Variants in KATNA1 observed in about 807,000 individuals in gnomAD.
The protein encoded by KATNA1 is katanin catalytic subunit A1.
In KATNA1, 42 loss-of-function variants were observed where a neutral mutation model predicts 62.6. The ratio of observed to expected loss-of-function variants is 0.67; its 90% CI spans 0.52 to 0.87. The LOEUF (loss-of-function observed/expected upper bound fraction) is 0.87. Ranked by LOEUF, KATNA1 falls within the 40% of genes least tolerant of loss-of-function variation. The probability of loss-of-function intolerance (pLI) is 0.00; values close to 1 mark genes in which losing one functional copy is unlikely to be tolerated. For missense variants in KATNA1, 498 were observed against 612.5 expected (o/e 0.81, Z 1.97); for synonymous variants, 186 against 201.9 (o/e 0.92, Z 0.67).
intron 8 of KATNA1, 150 bp downstream of exon 8, chr6:149,598,074 C>A (rs1056553640): frequency 1.3e-6 from 1 of 798,824 alleles, no homozygotes; most frequent in African/African-American, 1.7e-5. Flanking sequence ...CTATCAGGAA[C>A]TTCTTGCCAC....
chr6:149,641,252 C>T (rs1299162738), intron 1 of KATNA1, among the ~76,000 whole-genome samples: 2 of 149,156 alleles, frequency 1.3e-5, no homozygotes, highest in East Asian at 4.0e-4. Context: ...TCTCGGCTCA[C>T]TGCAAGCTCC....
rs1200171438 is a variant in KATNA1, at chr6:149,608,053, G to A, written c.502-3271C>T. On this transcript the variant is annotated intron_variant, in intron 4 of 10. Transcript: ENST00000367411. ...TGCACTCCAGCCTGGGCGACAGAGTGAGACTCCGTCTCAAAAAAACAAAAA... is the reference window on the plus strand; with the variant it reads ...TGCACTCCAGCCTGGGCGACAGAGTAAGACTCCGTCTCAAAAAAACAAAAA... 5.3e-5 allele frequency among the ~76,000 whole-genome samples: 8 copies of A among 152,288 alleles called. No homozygotes were observed. In the East Asian group the frequency reaches 9.6e-4, roughly 18 times the overall value.
Position 149,647,521 on chromosome 6 carries a change from C to CAAAAAAAAAAAAAAAAAAA in KATNA1, c.-14+929_-14+947dup. Among the ~76,000 whole-genome samples the CAAAAAAAAAAAAAAAAAAA allele has an allele frequency of 4.3e-5, 2 of 46,858 alleles. 1 individual carries two copies. The highest frequency in any genetic ancestry group is 8.2e-5 in the Non-Finnish European group (2 of 24,264). The allele number at this position is 46,858 out of a possible 152,430, so 30.7% of individuals were successfully genotyped here. On this transcript the variant is annotated intron_variant, in intron 1 of 10. Transcript: ENST00000367411. ...CTGGCGACAGAGCAAGACTCCGTCT[C>CAAAAAAAAAAAAAAAAAAA]AAAAAAAAAAAAAAAAAAAAAAAAA...
chr6:149,623,155 T>C lies in KATNA1; in HGVS notation c.449A>G (p.Lys150Arg), dbSNP rs557222260. 8.1e-6 allele frequency: 13 copies of C among 1,612,270 alleles called. No individual in the cohort carries two copies. In the South Asian group the frequency reaches 1.3e-4, roughly 16 times the overall value. ...SAQNVHNDRG[K>R]AVRCREKKEQ... ...TTTCTTTTCACGACAACGAACAGCT[T>C]TCCCTCTGTCATTGTGAACATTCTG... The change falls in exon 4 of 11, where the codon AAA becomes AGA. Residue 150 changes from lysine (K) to arginine (R), a missense_variant. By Grantham distance (26) the Lys-to-Arg change is conservative. Transcript: ENST00000367411.
At chr6:149,642,553 G>T (rs1376996732) in intron 1 of KATNA1, among the ~76,000 whole-genome samples, 1 of 152,200 alleles carries the variant, frequency 6.6e-6, no homozygotes, top group East Asian at 1.9e-4. Flanking sequence ...CCTGCTAGGG[G>T]AAATATGGTG....
intron 4 of KATNA1, among the ~76,000 whole-genome samples, chr6:149,609,589 A>C (rs543404794): frequency 1.3e-5 from 2 of 150,508 alleles, no homozygotes; most frequent in Admixed American, 1.3e-4. Context: ...TGGGTCACGA[A>C]GTCAGGAGTT....
At chr6:149,606,812 G>A (rs1778759023) in intron 4 of KATNA1, among the ~76,000 whole-genome samples, 1 of 151,998 alleles carries the variant, frequency 6.6e-6, no homozygotes. Context: ...TAGAGATGGG[G>A]TTTCACCATG....
chr6:149,599,752 A>C (rs1778467503), intron 7 of KATNA1, among the ~76,000 whole-genome samples: 1 of 152,038 alleles, frequency 6.6e-6, no homozygotes, highest in Non-Finnish European at 1.5e-5. Context: ...TCCTGACCTC[A>C]AGTGATCTGC....
At chr6:149,610,574 T>C (rs1185412582) in intron 4 of KATNA1, among the ~76,000 whole-genome samples, 1 of 151,986 alleles carries the variant, frequency 6.6e-6, no homozygotes, top group African/African-American at 2.4e-5. Context: ...CTCCACACAA[T>C]TGGAAACTAA....
chr6:149,597,187 T>G lies in KATNA1; in HGVS notation c.1153A>C (p.Lys385Gln). 1 of 1,613,008 alleles carries G rather than the reference T, an allele frequency of 6.2e-7. No individual in the cohort carries two copies. Among genetic ancestry groups the G allele is most frequent in the Non-Finnish European group, 8.5e-7 (1 of 1,179,712 alleles). Residue 385 changes from lysine (K) to glutamine (Q), a missense_variant and splice_region_variant, in exon 10 of 11, where the codon AAA becomes CAA. Transcript: ENST00000367411. Reference protein sequence around the residue: ...KRIYIPLPSAKGREELLRISL... With the variant: ...KRIYIPLPSAQGREELLRISL... ...ATTCGTAATAGCTCCTCCCTGCCTT[T>G]TGCTAATGGTAGAAACAAATTTTAA...
intron 4 of KATNA1, among the ~76,000 whole-genome samples, chr6:149,611,792 G>A (rs745661442): frequency 2.0e-5 from 3 of 152,082 alleles, no homozygotes; most frequent in African/African-American, 7.2e-5. Flanking sequence ...GAGGTCAGGA[G>A]ATCGAGACCA....
chr6:149,604,608 C>A (rs1778663871), intron 5 of KATNA1, 53 bp downstream of exon 5: 1 of 1,599,094 alleles, frequency 6.3e-7, no homozygotes, highest in African/African-American at 1.3e-5. Flanking sequence ...GCTCCATTTT[C>A]CATTCCGAAT....
chr6:149,632,212 T>C (rs1355102419), intron 3 of KATNA1, among the ~76,000 whole-genome samples: 1 of 151,748 alleles, frequency 6.6e-6, no homozygotes, highest in African/African-American at 2.4e-5. Context: ...GCCAACATGG[T>C]GAAACCCCGT....
chr6:149,643,743 G>A (rs1486063852), intron 1 of KATNA1, among the ~76,000 whole-genome samples: 1 of 151,192 alleles, frequency 6.6e-6, no homozygotes, highest in African/African-American at 2.4e-5. Flanking sequence ...GGAGTGCAGT[G>A]GTGCCATTAC....
At chr6:149,642,729 A>G (rs1209480636) in intron 1 of KATNA1, among the ~76,000 whole-genome samples, 2 of 152,270 alleles carry the variant, frequency 1.3e-5, no homozygotes, top group Non-Finnish European at 2.9e-5. Context: ...TACATATGCT[A>G]TATAAAATAC....
intron 3 of KATNA1, among the ~76,000 whole-genome samples, chr6:149,629,881 T>C (rs907521100): frequency 2.0e-5 from 3 of 152,188 alleles, no homozygotes; most frequent in African/African-American, 7.2e-5. Flanking sequence ...ACTTAACCTA[T>C]CTTAGCTTAT....
chr6:149,603,502 T>G, intron 5 of KATNA1, 129 bp from the exon 6 acceptor site: 3 of 534,666 alleles, frequency 5.6e-6, no homozygotes, highest in Admixed American at 3.7e-5. Context: ...TGAGCCCGGG[T>G]GAACTAATGC....
Position 149,637,951 on chromosome 6 carries a change from G to A in KATNA1, c.162+435C>T, listed in dbSNP as rs199886229. Among the ~76,000 whole-genome samples the A allele has an allele frequency of 1.8e-4, 27 of 152,238 alleles. No homozygotes were observed. In the East Asian group the frequency reaches 4.6e-3, roughly 26 times the overall value. On this transcript the variant is annotated intron_variant, in intron 2 of 10. Transcript: ENST00000367411. ...CAAGTAATATTATATAGAAATCTGT[G>A]TAATAACTCACATACTCATGTTTTG...
chr6:149,622,333 A>G (rs1779432375), intron 4 of KATNA1, among the ~76,000 whole-genome samples: 1 of 151,950 alleles, frequency 6.6e-6, no homozygotes. Context: ...GTTAGCCAAT[A>G]ATTGTGTTGT....
Sources: gnomAD v4.1 joint callset for allele counts (sites outside exome capture counted in the v4.1 genomes callset) on GRCh38, gnomAD v4.1.1 for gene constraint, MANE v1.5 for transcripts, NCBI Gene and HGNC (gene_info 2026-07-23, HGNC 2026-07-21) for gene names.